The following ATXN1 variants were observed in gnomAD, a reference collection of about 807,000 sequenced individuals.
ATXN1 encodes the protein ataxin-1.
ATXN1 carries 8 observed loss-of-function variants against 56.4 expected under a neutral mutation model. The ratio of observed to expected loss-of-function variants is 0.14; its 90% CI spans 0.08 to 0.26. The LOEUF is 0.26. ATXN1 is among the 10% of genes least tolerant of loss of function. The probability of loss-of-function intolerance (pLI) is 1.00; values close to 1 mark genes in which losing one functional copy is unlikely to be tolerated. For missense variants in ATXN1, 987 were observed against 1,106.5 expected (o/e 0.89, Z 1.53); for synonymous variants, 514 against 494.6 (o/e 1.04, Z -0.52).
intron 6 of ATXN1, among the ~76,000 whole-genome samples, chr6:16,348,746 T>C (rs965461248): frequency 2.6e-5 from 4 of 152,176 alleles, no homozygotes; most frequent in Admixed American, 6.5e-5. Flanking sequence ...GAAGTTGTTA[T>C]GAGAATTGCA....
chr6:16,743,547 G>T (rs371888870), intron 2 of ATXN1, among the ~76,000 whole-genome samples: 12 of 152,192 alleles, frequency 7.9e-5, no homozygotes, highest in Admixed American at 1.3e-4. Context: ...GGGAATGCCC[G>T]TATGTATTGC....
chr6:16,745,605 G>A (rs1483941415), intron 2 of ATXN1, among the ~76,000 whole-genome samples: 3 of 152,124 alleles, frequency 2.0e-5, no homozygotes. Context: ...GTAAGGTTTG[G>A]GCAATACATG....
chr6:16,523,745 G>A (rs1461747713), intron 4 of ATXN1, among the ~76,000 whole-genome samples: 2 of 152,292 alleles, frequency 1.3e-5, no homozygotes, highest in Non-Finnish European at 2.9e-5. Flanking sequence ...GAGTAATCCC[G>A]TGAGGAAGCC....
intron 4 of ATXN1, among the ~76,000 whole-genome samples, chr6:16,541,817 C>A (rs538259340): frequency 1.9e-4 from 29 of 152,266 alleles, no homozygotes; most frequent in South Asian, 4.1e-4. Flanking sequence ...TTGTATCCTG[C>A]TAACGTAAAG....
intron 4 of ATXN1, among the ~76,000 whole-genome samples, chr6:16,527,828 A>G (rs1761423756): frequency 6.6e-6 from 1 of 152,192 alleles, no homozygotes. Context: ...TACTTTTAAC[A>G]AATCTCTTTT....
At chr6:16,353,912 C>G (rs1303116594) in intron 6 of ATXN1, among the ~76,000 whole-genome samples, 1 of 152,166 alleles carries the variant, frequency 6.6e-6, no homozygotes, top group Non-Finnish European at 1.5e-5. Context: ...TTGTGTAGGT[C>G]TGGGCTGGGA....
chr6:16,758,695 A>G (rs969045435), intron 1 of ATXN1, among the ~76,000 whole-genome samples: 1 of 152,210 alleles, frequency 6.6e-6, no homozygotes, highest in African/African-American at 2.4e-5. Flanking sequence ...GCCTGATCTA[A>G]TTACATGAGT....
chr6:16,313,709 A>G (rs1760450574), intron 7 of ATXN1, among the ~76,000 whole-genome samples: 1 of 151,606 alleles, frequency 6.6e-6, no homozygotes, highest in African/African-American at 2.4e-5. Context: ...GGTGCCCACC[A>G]CCACCCCTGG....
At chr6:16,332,366 T>G (rs191201550) in intron 6 of ATXN1, among the ~76,000 whole-genome samples, 9 of 151,868 alleles carry the variant, frequency 5.9e-5, no homozygotes, top group Admixed American at 2.6e-4. Context: ...AAGTAACTTA[T>G]GAAGGTGGAA....
rs138242325 is a variant in ATXN1 at position 16,427,538 on chromosome 6, C to T, written c.-161+58434G>A. 5.5e-4 allele frequency among the ~76,000 whole-genome samples: 83 copies of T among 152,250 alleles called. 1 individual carries two copies. Among genetic ancestry groups the T allele is most frequent in the East Asian group, 3.9e-3 (20 of 5,178 alleles). On this transcript the variant is annotated intron_variant, in intron 6 of 7. Coordinates refer to ENST00000436367, the MANE Select transcript of ATXN1 (RefSeq NM_001128164.2). Reference sequence around the variant, plus strand: ...ACACACACGATACAATGACAAAATCCCTAAGACAGAGTGGTCCTCGTTTCT... The same window carrying T: ...ACACACACGATACAATGACAAAATCTCTAAGACAGAGTGGTCCTCGTTTCT...
rs965203591 is a variant in ATXN1, at chr6:16,601,776, C to T, written c.-488-15869G>A. On this transcript the variant is annotated intron_variant, in intron 3 of 7. Transcript: ENST00000436367. ...GCTGAGGCAGGAAAATGGCGTGAAC[C>T]CAGGAGGCGGAGCTTGCAGTGAGCC... 8.5e-5 allele frequency among the ~76,000 whole-genome samples: 13 copies of T among 152,214 alleles called. 1 individual carries two copies. The highest frequency in any genetic ancestry group is 3.1e-4 in the African/African-American group (13 of 41,528).
chr6:16,538,538 T>C (rs2113713868), intron 4 of ATXN1, among the ~76,000 whole-genome samples: 1 of 152,144 alleles, frequency 6.6e-6, no homozygotes, highest in African/African-American at 2.4e-5. Context: ...CCCATTAACT[T>C]GTCATTTAAC....
intron 6 of ATXN1, among the ~76,000 whole-genome samples, chr6:16,451,299 C>A (rs2113612575): frequency 1.3e-5 from 2 of 152,332 alleles, no homozygotes; most frequent in Middle Eastern, 3.4e-3. Flanking sequence ...GAAACACTGT[C>A]TCTACTAAAA....
intron 6 of ATXN1, among the ~76,000 whole-genome samples, chr6:16,472,741 C>T (rs900478418): frequency 9.2e-5 from 14 of 152,110 alleles, no homozygotes; most frequent in Non-Finnish European, 1.8e-4. Flanking sequence ...TTTTTCAAAC[C>T]CTCTCCTGTC....
chr6:16,456,076 C>T (rs910211442), intron 6 of ATXN1, among the ~76,000 whole-genome samples: 2 of 152,172 alleles, frequency 1.3e-5, no homozygotes, highest in African/African-American at 4.8e-5. Context: ...ATTTGGGTCC[C>T]CTTCCACGCT....
chr6:16,555,026 G>A (rs72825519), intron 4 of ATXN1, among the ~76,000 whole-genome samples: 9 of 152,208 alleles, frequency 5.9e-5, no homozygotes, highest in Non-Finnish European at 1.2e-4. Context: ...CCCTGGGACT[G>A]AGCCATGCTC....
chr6:16,461,147 C>T (rs1462722157), intron 6 of ATXN1, among the ~76,000 whole-genome samples: 3 of 152,338 alleles, frequency 2.0e-5, no homozygotes, highest in South Asian at 2.1e-4. Context: ...CCAGGCAGAA[C>T]CTCCCATTAG....
rs36090082 is a variant in ATXN1 at position 16,484,991 on chromosome 6, G to GTGTATA, written c.-161+980_-161+981insTATACA. The GTGTATA allele has an allele frequency of 2.9e-5, 4 of 137,872 alleles. No individual in the cohort carries two copies. The East Asian group carries it at 6.8e-4, about 23-fold the overall frequency. 8.5% of individuals were successfully genotyped at this position (137,872 alleles called of 1,614,324 possible). A position where few individuals can be genotyped will look rare whatever the true frequency, so the allele number is the denominator to read the frequency against. On this transcript the variant is annotated intron_variant, in intron 6 of 7. Transcript: ENST00000436367. The stretch of plus-strand genomic sequence containing the variant: ...TGTGTGTGTGTGTGTGTGTGTGTGT[G>GTGTATA]TACACGCACACACATACATAAACAA...
intron 3 of ATXN1, among the ~76,000 whole-genome samples, chr6:16,594,883 G>A (rs534235701): frequency 6.6e-6 from 1 of 152,316 alleles, no homozygotes; most frequent in Non-Finnish European, 1.5e-5. Flanking sequence ...TAACAAACGA[G>A]AGTTACTTCG....
Sources: gnomAD v4.1 joint callset for allele counts (sites outside exome capture counted in the v4.1 genomes callset) on GRCh38, gnomAD v4.1.1 for gene constraint, MANE v1.5 for transcripts, NCBI Gene and HGNC (gene_info 2026-07-23, HGNC 2026-07-21) for gene names.